Variants in HIVEP3 observed in about 807,000 individuals in gnomAD.
The protein encoded by HIVEP3 is transcription factor HIVEP3.
Under a neutral mutation model 152.8 loss-of-function variants are expected in HIVEP3, and 49 were observed. That is an observed-to-expected ratio of 0.32 (90% confidence interval 0.26 to 0.41). The LOEUF (loss-of-function observed/expected upper bound fraction) is 0.41. Among genes scored for constraint, HIVEP3 ranks in the 10% least tolerant of loss-of-function variants. The pLI, the probability that HIVEP3 is intolerant of heterozygous loss-of-function variation, is 1.00. For synonymous variants in HIVEP3, 1,269 were observed against 1,289.0 expected, an observed-to-expected ratio of 0.98 and a Z score of 0.33; for missense variants, 2,790 against 3,103.3, an observed-to-expected ratio of 0.90 and a Z score of 2.40.
intron 1 of HIVEP3, among the ~76,000 whole-genome samples, chr1:41,889,933 T>C (rs1644421554): frequency 6.6e-6 from 1 of 152,184 alleles, no homozygotes; most frequent in African/African-American, 2.4e-5. Flanking sequence ...TTAACAATAA[T>C]AGTTTAACCA....
intron 5 of HIVEP3, among the ~76,000 whole-genome samples, chr1:41,541,302 T>G (rs1259786329): frequency 6.6e-6 from 1 of 152,198 alleles, no homozygotes; most frequent in Non-Finnish European, 1.5e-5. Context: ...TCTAATCCAC[T>G]CTATGGAAAT....
intron 1 of HIVEP3, among the ~76,000 whole-genome samples, chr1:41,738,002 G>A (rs1646943679): frequency 6.6e-6 from 1 of 152,214 alleles, no homozygotes; most frequent in Non-Finnish European, 1.5e-5. Context: ...ATGGATCCAT[G>A]CCATGTCTAT....
intron 1 of HIVEP3, among the ~76,000 whole-genome samples, chr1:41,954,967 T>G (rs962802067): frequency 6.6e-6 from 1 of 151,744 alleles, no homozygotes; most frequent in Non-Finnish European, 1.5e-5. Context: ...CTTCCAGGTT[T>G]TTTTTTTTTT....
chr1:41,702,482 C>T (rs1646377792), intron 1 of HIVEP3, among the ~76,000 whole-genome samples: 1 of 152,072 alleles, frequency 6.6e-6, no homozygotes, highest in Non-Finnish European at 1.5e-5. Flanking sequence ...GAATTTGTTT[C>T]CCTGTATGTA....
rs1169386203 is a variant in HIVEP3, at chr1:41,823,154, C to T, written c.-801+95259G>A. Among the ~76,000 whole-genome samples, 8 of 152,180 alleles carry T rather than the reference C, an allele frequency of 5.3e-5. No individual in the cohort carries two copies. In the East Asian group the frequency reaches 5.8e-4, roughly 11 times the overall value. On this transcript the variant is annotated intron_variant, in intron 1 of 8. Transcript: ENST00000372583. ...TGTGAGTACATAGCAAGAAGGCAAC[C>T]GTCAGCAAGCCAGGAAGAGAGACCT...
intron 1 of HIVEP3, among the ~76,000 whole-genome samples, chr1:41,936,092 G>A (rs1447479944): frequency 6.6e-6 from 1 of 152,120 alleles, no homozygotes; most frequent in Non-Finnish European, 1.5e-5. Context: ...CAAAGAACAA[G>A]GAGAAGTAGT....
chr1:41,709,685 A>G lies in HIVEP3; in HGVS notation c.-800-8690T>C, dbSNP rs1287839368. On this transcript the variant is annotated intron_variant, in intron 1 of 8. Coordinates refer to ENST00000372583, the MANE Select transcript of HIVEP3 (RefSeq NM_024503.5). Reference sequence around the variant, plus strand: ...CATGTGGGGCTCTGGCTTTGTAGATAATTGGAGTCTTAGGCAGGGAAATTG... The same window carrying G: ...CATGTGGGGCTCTGGCTTTGTAGATGATTGGAGTCTTAGGCAGGGAAATTG... 3.3e-5 allele frequency among the ~76,000 whole-genome samples: 5 copies of G among 152,142 alleles called. No homozygotes were observed. The East Asian group carries it at 9.6e-4, about 29-fold the overall frequency.
In HIVEP3 at chr1:41,664,530, G is replaced by A. The variant is rs186019719; in HGVS notation, c.-720-35583C>T. ...CTCACATTGAAGTCAGTTATTGGGG[G>A]CCTCCTCTTCCTCAGACTGGGAGCT... is the stretch of plus-strand genomic sequence containing the variant. On this transcript the variant is annotated intron_variant, in intron 2 of 8. Transcript: ENST00000372583. This position sits in a 1 kb window ranked among gnomAD's most constrained non-coding sequence, Gnocchi z 4.4. 9.8e-5 allele frequency among the ~76,000 whole-genome samples: 15 copies of A among 152,320 alleles called. No homozygotes were observed. The highest frequency in any genetic ancestry group is 3.9e-4 in the Admixed American group (6 of 15,296).
At chr1:41,762,441 C>T (rs1002786652) in intron 1 of HIVEP3, among the ~76,000 whole-genome samples, 2 of 152,212 alleles carry the variant, frequency 1.3e-5, no homozygotes, top group Non-Finnish European at 2.9e-5. Context: ...CAGGGTCAGG[C>T]CAGCCCTGGA....
chr1:41,557,892 C>A (rs1484061606), intron 5 of HIVEP3, among the ~76,000 whole-genome samples: 2 of 152,206 alleles, frequency 1.3e-5, no homozygotes, highest in Non-Finnish European at 2.9e-5. Flanking sequence ...CGAGAACCCC[C>A]ACCCAGCGAG....
chr1:41,690,398 T>C (rs946418509), intron 2 of HIVEP3, among the ~76,000 whole-genome samples: 1 of 152,118 alleles, frequency 6.6e-6, no homozygotes, highest in Non-Finnish European at 1.5e-5. Context: ...GGGCAGGAGA[T>C]TGTGGGGACA....
At chr1:41,770,383 C>T (rs1304580485) in intron 1 of HIVEP3, among the ~76,000 whole-genome samples, 1 of 152,144 alleles carries the variant, frequency 6.6e-6, no homozygotes, top group Admixed American at 6.5e-5. Context: ...TTTGATATTC[C>T]TCCCTGCAGC....
intron 1 of HIVEP3, among the ~76,000 whole-genome samples, chr1:41,852,201 C>T (rs555860096): frequency 3.9e-5 from 6 of 152,342 alleles, no homozygotes; most frequent in East Asian, 1.9e-4. Flanking sequence ...CAGGCTGCTG[C>T]GTGGGAGCCC....
At chr1:41,854,294 C>T (rs1157084459) in intron 1 of HIVEP3, among the ~76,000 whole-genome samples, 1 of 152,168 alleles carries the variant, frequency 6.6e-6, no homozygotes, top group Admixed American at 6.5e-5. Context: ...AAGGGGCTGA[C>T]TGCAGAGCCA....
At chr1:41,851,456 C>G (rs1643598613) in intron 1 of HIVEP3, among the ~76,000 whole-genome samples, 1 of 151,944 alleles carries the variant, frequency 6.6e-6, no homozygotes, top group South Asian at 2.1e-4. Flanking sequence ...GCACGTGCCA[C>G]CACACCTGGC....
chr1:41,699,205 C>T (rs140622177), intron 2 of HIVEP3, among the ~76,000 whole-genome samples: 198 of 152,312 alleles, frequency 1.3e-3, no homozygotes, highest in African/African-American at 4.5e-3. Context: ...TGAGCTCTTG[C>T]GTTTGACTCT....
At chr1:41,866,414 G>A (rs1216932543) in intron 1 of HIVEP3, among the ~76,000 whole-genome samples, 1 of 152,192 alleles carries the variant, frequency 6.6e-6, no homozygotes, top group South Asian at 2.1e-4. Flanking sequence ...GCTCAGGGTC[G>A]GCCCCAGGCC....
chr1:41,888,610 G>C (rs1449298503), intron 1 of HIVEP3, among the ~76,000 whole-genome samples: 1 of 151,846 alleles, frequency 6.6e-6, no homozygotes, highest in African/African-American at 2.4e-5. Flanking sequence ...CCAAGGAAAT[G>C]ATTCAGATCA....
chr1:41,947,045 G>T (rs1645078982), intron 1 of HIVEP3, among the ~76,000 whole-genome samples: 1 of 152,160 alleles, frequency 6.6e-6, no homozygotes, highest in South Asian at 2.1e-4. Flanking sequence ...GGACTTTAAA[G>T]ATGCCTTTTT....
Sources: gnomAD v4.1 joint callset for allele counts (sites outside exome capture counted in the v4.1 genomes callset) on GRCh38, gnomAD v4.1.1 for gene constraint, Gnocchi (gnomAD v3.1) non-coding constraint, MANE v1.5 for transcripts, NCBI Gene and HGNC (gene_info 2026-07-23, HGNC 2026-07-21) for gene names.